The following NAV2 variants were observed in gnomAD, a reference collection of about 807,000 sequenced individuals.
NAV2 encodes the protein helicase, APC down-regulated 1.
NAV2 carries 54 observed loss-of-function variants against 223.2 expected under a neutral mutation model. The ratio of observed to expected loss-of-function variants is 0.24; its 90% CI spans 0.19 to 0.30. The LOEUF is 0.30. Ranked by LOEUF, NAV2 falls within the 10% of genes least tolerant of loss-of-function variation. NAV2 has a pLI of 1.00. For missense variants in NAV2, 2,806 were observed against 3,147.5 expected, an observed-to-expected ratio of 0.89 and a Z score of 2.60; for synonymous variants, 1,279 against 1,239.3, an observed-to-expected ratio of 1.03 and a Z score of -0.67.
At chr11:20,023,190 C>T (rs1379855465) in intron 11 of NAV2, 18 of 1,468,594 alleles carry the variant, frequency 1.2e-5, no homozygotes, top group Non-Finnish European at 1.7e-5. Flanking sequence ...CATGTACTGC[C>T]TTGTCTTCCT....
At chr11:19,951,258 C>T (rs746819999) in intron 10 of NAV2, among the ~76,000 whole-genome samples, 2 of 152,008 alleles carry the variant, frequency 1.3e-5, no homozygotes, top group Non-Finnish European at 2.9e-5. Flanking sequence ...ACTTCTGAGG[C>T]CTTTATTTTG....
chr11:19,494,933 A>C (rs1219736785), intron 1 of NAV2, among the ~76,000 whole-genome samples: 2 of 152,222 alleles, frequency 1.3e-5, no homozygotes, highest in Admixed American at 1.3e-4. Context: ...AGGGCAACTC[A>C]TTCTTTTCTC....
chr11:19,836,273 C>A (rs934049144), intron 2 of NAV2, among the ~76,000 whole-genome samples: 4 of 152,138 alleles, frequency 2.6e-5, no homozygotes, highest in Non-Finnish European at 5.9e-5. Flanking sequence ...AAGCTCCGAT[C>A]TGGGCCAGGC....
At chr11:19,680,357 C>T (rs567489623) in intron 1 of NAV2, among the ~76,000 whole-genome samples, 4 of 152,334 alleles carry the variant, frequency 2.6e-5, no homozygotes, top group African/African-American at 9.6e-5. Flanking sequence ...TCGCCTCCCG[C>T]CAGTTTCCCG....
At chr11:19,538,002 A>G (rs536735044) in intron 1 of NAV2, among the ~76,000 whole-genome samples, 15 of 152,198 alleles carry the variant, frequency 9.9e-5, no homozygotes, top group Non-Finnish European at 2.2e-4. Flanking sequence ...CATGACTGTT[A>G]TGAGAAGGAG....
Position 20,103,570 on chromosome 11 carries a change from A to G in NAV2, c.6573-83A>G, listed in dbSNP as rs2061798610. 3.3e-6 allele frequency: 5 copies of G among 1,529,332 alleles called. No homozygotes were observed. The African/African-American group carries it at 4.1e-5, about 13-fold the overall frequency. The allele number at this position is 1,529,332 out of a possible 1,614,324, so 94.7% of individuals were successfully genotyped here. On this transcript the variant is annotated intron_variant, in intron 33 of 37. Transcript: ENST00000349880. ...GCCAGCTGTCCACTGGCCTGGAAGC[A>G]CAGGGCCATGGGCCTCTGTGACCAC...
intron 1 of NAV2, among the ~76,000 whole-genome samples, chr11:19,615,994 G>C (rs2135371013): frequency 6.6e-6 from 1 of 152,240 alleles, no homozygotes; most frequent in African/African-American, 2.4e-5. Context: ...TCTCAGAGCT[G>C]TTTGTTTTCA....
chr11:19,672,174 G>A lies in NAV2; in HGVS notation c.76-160310G>A, dbSNP rs545833391. ...CCTGGGAACTCTGAGTGGAGTTGCCGAGCATGCTTCCAGGCACATAGCAAA... is the reference window on the plus strand; with the variant it reads ...CCTGGGAACTCTGAGTGGAGTTGCCAAGCATGCTTCCAGGCACATAGCAAA... On this transcript the variant is annotated intron_variant, in intron 1 of 37. Transcript: ENST00000360655. Among the ~76,000 whole-genome samples, 11 of 152,308 alleles carry A rather than the reference G, an allele frequency of 7.2e-5. No individual in the cohort carries two copies. The South Asian group carries it at 1.5e-3, about 20-fold the overall frequency.
intron 1 of NAV2, among the ~76,000 whole-genome samples, chr11:19,528,662 T>C (rs755449772): frequency 1.1e-4 from 17 of 151,308 alleles, no homozygotes; most frequent in Non-Finnish European, 2.1e-4. Context: ...CCGGGCACGG[T>C]GGCTTATGCC....
chr11:19,474,295 C>T (rs1249047493), intron 1 of NAV2, among the ~76,000 whole-genome samples: 8 of 152,162 alleles, frequency 5.3e-5, no homozygotes, highest in South Asian at 2.1e-4. Flanking sequence ...AACAATGAGA[C>T]GCTAAATGAA....
In NAV2 at chr11:19,910,436, T is replaced by TTAGGGAC. The variant is rs139193825; in HGVS notation, c.931+17842_931+17843insTAGGGAC. On this transcript the variant is annotated intron_variant, in intron 6 of 37. Transcript: ENST00000349880. The stretch of plus-strand genomic sequence containing the variant: ...TGGAAGCTTAGGGACTGGGAGAAGG[T>TTAGGGAC]AGGCAAGGAGAGTTCATATAGAATT... 9.4e-3 allele frequency among the ~76,000 whole-genome samples: 1,433 copies of TTAGGGAC among 152,224 alleles called. 31 individuals are homozygous for TTAGGGAC. Among genetic ancestry groups the TTAGGGAC allele is most frequent in the African/African-American group, 0.033 (1,387 of 41,534 alleles).
intron 1 of NAV2, among the ~76,000 whole-genome samples, chr11:19,495,319 C>A (rs1484788310): frequency 3.3e-5 from 5 of 152,200 alleles, no homozygotes; most frequent in Admixed American, 1.3e-4. Context: ...CCCCTGCCAT[C>A]CAGATGCACA....
intron 6 of NAV2, among the ~76,000 whole-genome samples, chr11:19,908,363 G>A (rs1402720989): frequency 2.6e-5 from 4 of 151,932 alleles, no homozygotes; most frequent in South Asian, 2.1e-4. Flanking sequence ...TGGCCCACCC[G>A]TTCACTCCCT....
chr11:19,418,016 G>A (rs999644350), intron 1 of NAV2, among the ~76,000 whole-genome samples: 7 of 152,128 alleles, frequency 4.6e-5, no homozygotes, highest in Admixed American at 6.5e-5. Flanking sequence ...AATACCTAAT[G>A]TAGATGATGG....
chr11:19,537,498 T>C (rs2044223778), intron 1 of NAV2, among the ~76,000 whole-genome samples: 1 of 152,230 alleles, frequency 6.6e-6, no homozygotes, highest in South Asian at 2.1e-4. Flanking sequence ...GACCCCTTTC[T>C]TTTCTCAGTA....
chr11:19,832,457 A>G, intron 1 of NAV2, 27 bp from the exon 2 acceptor site: 1 of 1,563,282 alleles, frequency 6.4e-7, no homozygotes, highest in South Asian at 1.1e-5. Context: ...CTGGCTTCCT[A>G]AAGTTGCCTG....
intron 1 of NAV2, among the ~76,000 whole-genome samples, chr11:19,420,880 G>A (rs1850583077): frequency 1.3e-5 from 2 of 152,164 alleles, no homozygotes; most frequent in African/African-American, 2.4e-5. Context: ...CCTGTCTTCT[G>A]TTATGCTTCA....
At chr11:20,008,816 T>G (rs1211752489) in intron 11 of NAV2, among the ~76,000 whole-genome samples, 3 of 152,160 alleles carry the variant, frequency 2.0e-5, no homozygotes, top group Non-Finnish European at 1.5e-5. Flanking sequence ...ATGCTTAATT[T>G]CCCTGGCATC....
intron 1 of NAV2, among the ~76,000 whole-genome samples, chr11:19,413,443 G>A (rs1215927964): frequency 2.0e-5 from 3 of 152,050 alleles, no homozygotes; most frequent in Non-Finnish European, 4.4e-5. Context: ...CCAAACCTAC[G>A]TTTGATTGGT....
Sources: allele counts gnomAD v4.1 joint callset (sites outside exome capture counted in the v4.1 genomes callset), GRCh38; gene constraint gnomAD v4.1.1; transcripts MANE v1.5; gene names NCBI Gene and HGNC (gene_info 2026-07-23, HGNC 2026-07-21).